Variants in C12orf42 observed in about 807,000 individuals in gnomAD.
C12orf42 encodes chromosome 12 open reading frame 42.
Under a neutral mutation model 21.6 loss-of-function variants are expected in C12orf42, and 25 were observed. That is an observed-to-expected ratio of 1.16 (90% CI 0.84 to 1.62). C12orf42 has a LOEUF of 1.62. C12orf42 is among the 40% of genes most tolerant of loss of function. The probability of loss-of-function intolerance (pLI) is 0.00; values close to 1 mark genes in which losing one functional copy is unlikely to be tolerated. For synonymous variants in C12orf42, 174 were observed against 175.0 expected (o/e 0.99, Z 0.05); for missense variants, 483 against 459.3 (o/e 1.05, Z -0.47).
chr12:103,232,186 T>C, the C12orf42 span, among the ~76,000 whole-genome samples: 2 of 152,240 alleles, frequency 1.3e-5, no homozygotes. Flanking sequence ...AAGAATCTTT[T>C]CTGTATTTTG....
chr12:103,122,633 G>A, the C12orf42 span, among the ~76,000 whole-genome samples: 4 of 152,154 alleles, frequency 2.6e-5, no homozygotes, highest in Non-Finnish European at 5.9e-5. Context: ...GCTATCTTCA[G>A]AAAGAACATT....
At chr12:103,231,980 G>A in the C12orf42 span, among the ~76,000 whole-genome samples, 1 of 152,120 alleles carries the variant, frequency 6.6e-6, no homozygotes. Context: ...ATTTGATGTT[G>A]TCAGTGTTTC....
the C12orf42 span, among the ~76,000 whole-genome samples, chr12:103,175,603 G>A: frequency 6.6e-6 from 1 of 151,642 alleles, no homozygotes; most frequent in Non-Finnish European, 1.5e-5. Context: ...GAATCCAAAG[G>A]GAAAAAAAAT....
the C12orf42 span, among the ~76,000 whole-genome samples, chr12:103,526,731 C>T: frequency 5.9e-5 from 9 of 152,258 alleles, no homozygotes; most frequent in East Asian, 9.6e-4. Flanking sequence ...TGTGAAGACA[C>T]GGGGAAAAGA....
the C12orf42 span, among the ~76,000 whole-genome samples, chr12:103,544,806 T>C: frequency 6.6e-6 from 1 of 152,342 alleles, no homozygotes; most frequent in Admixed American, 6.5e-5. Context: ...TGATTTTTTT[T>C]CCCGCTTTAT....
the C12orf42 span, among the ~76,000 whole-genome samples, chr12:103,546,207 C>A: frequency 6.6e-6 from 1 of 152,154 alleles, no homozygotes; most frequent in Non-Finnish European, 1.5e-5. Flanking sequence ...CTCGGAAACT[C>A]AGCATGTAAT....
chr12:103,220,341 C>G, the C12orf42 span, among the ~76,000 whole-genome samples: 2 of 151,854 alleles, frequency 1.3e-5, no homozygotes, highest in South Asian at 4.2e-4. Context: ...CATGTGTATA[C>G]GTATGTAACA....
intron 3 of C12orf42, among the ~76,000 whole-genome samples, chr12:103,373,248 C>G (rs1300212003): frequency 1.3e-5 from 2 of 152,340 alleles, no homozygotes; most frequent in South Asian, 4.1e-4. Context: ...ACAGGCCACT[C>G]AAGCATCTGC....
chr12:103,146,479 C>CA, the C12orf42 span, among the ~76,000 whole-genome samples: 602 of 22,624 alleles, frequency 0.027, 7 homozygotes, highest in African/African-American at 0.056. Flanking sequence ...GACCCTGTCT[C>CA]AAAAAAAAAA....
intron 5 of C12orf42, among the ~76,000 whole-genome samples, chr12:103,272,132 G>A (rs2035509579): frequency 6.6e-6 from 1 of 152,136 alleles, no homozygotes; most frequent in African/African-American, 2.4e-5. Flanking sequence ...GAAATAGAGT[G>A]ACTAAATTAC....
chr12:103,164,439 T>G, the C12orf42 span: 9 of 455,952 alleles, frequency 2.0e-5, no homozygotes, highest in East Asian at 5.6e-4. Flanking sequence ...ATTTTCATGG[T>G]AAGTTCTGAG....
chr12:103,400,102 C>A (rs1309617706), intron 3 of C12orf42, among the ~76,000 whole-genome samples: 1 of 151,970 alleles, frequency 6.6e-6, no homozygotes, highest in Non-Finnish European at 1.5e-5. Flanking sequence ...GCCACAAAAA[C>A]ACAGAGAGGA....
At chr12:103,234,545 A>G (rs187843993), downstream of C12orf42, among the ~76,000 whole-genome samples, 2 of 152,282 alleles carry the variant, frequency 1.3e-5, no homozygotes, top group Non-Finnish European at 2.9e-5. Context: ...AGCAGATCCC[A>G]TTTACTGCCT....
chr12:103,314,327 G>A (rs569727735), intron 4 of C12orf42, among the ~76,000 whole-genome samples: 3 of 152,096 alleles, frequency 2.0e-5, no homozygotes, highest in Non-Finnish European at 2.9e-5. Context: ...GAAGGCAGCC[G>A]GCAGTTGCCC....
chr12:103,443,360 C>A (rs1951378364), intron 2 of C12orf42, among the ~76,000 whole-genome samples: 1 of 151,960 alleles, frequency 6.6e-6, no homozygotes, highest in Non-Finnish European at 1.5e-5. Flanking sequence ...ACCTTCTAAG[C>A]CTGATGTTTC....
downstream of C12orf42, among the ~76,000 whole-genome samples, chr12:103,235,751 GT>G (rs1376211186): frequency 1.3e-5 from 2 of 152,138 alleles, no homozygotes; most frequent in Non-Finnish European, 2.9e-5. Flanking sequence ...ACATGGTAGT[GT>G]TTAACCACTA....
chr12:103,380,247 T>C (rs1199589189), intron 3 of C12orf42, among the ~76,000 whole-genome samples: 1 of 152,172 alleles, frequency 6.6e-6, no homozygotes, highest in Non-Finnish European at 1.5e-5. Flanking sequence ...AAGTTATTTC[T>C]AACAAATAAG....
At chr12:103,091,930 C>T in the C12orf42 span, among the ~76,000 whole-genome samples, 1 of 152,146 alleles carries the variant, frequency 6.6e-6, no homozygotes, top group African/African-American at 2.4e-5. Flanking sequence ...AAGAGCCTAT[C>T]AGTAGGAAAG....
intron 2 of C12orf42, among the ~76,000 whole-genome samples, chr12:103,458,579 C>T (rs890861397): frequency 2.0e-5 from 3 of 152,104 alleles, no homozygotes; most frequent in African/African-American, 4.8e-5. Context: ...ATATGGAAAA[C>T]ATCCAGCTCA....
Sources: allele counts gnomAD v4.1 joint callset (sites outside exome capture counted in the v4.1 genomes callset), GRCh38; gene constraint gnomAD v4.1.1; transcripts MANE v1.5; gene names NCBI Gene and HGNC (gene_info 2026-07-23, HGNC 2026-07-21).